PTTG1IP2: variants seen among roughly 807,000 people sequenced by gnomAD.
PTTG1IP2 encodes the protein PTTG1IP family member 2.
intron 6 of PTTG1IP2, among the ~76,000 whole-genome samples, chr7:90,501,947 A>G (rs1038435120): frequency 5.3e-5 from 8 of 152,172 alleles, no homozygotes; most frequent in African/African-American, 1.9e-4. Context: ...ATTCTCTCAC[A>G]CCATGATGTT....
At chr7:90,497,888 C>T (rs914034345) in intron 6 of PTTG1IP2, among the ~76,000 whole-genome samples, 1 of 151,916 alleles carries the variant, frequency 6.6e-6, no homozygotes, top group African/African-American at 2.4e-5. Context: ...GATGTTATGT[C>T]CATTGTTGAG....
chr7:90,498,978 A>G (rs901825855), intron 6 of PTTG1IP2, among the ~76,000 whole-genome samples: 8 of 152,106 alleles, frequency 5.3e-5, no homozygotes, highest in Admixed American at 2.6e-4. Context: ...AAGCCTCTCA[A>G]GTATCCAAGC....
At chr7:90,493,300 A>C (rs1797960002) in intron 5 of PTTG1IP2, among the ~76,000 whole-genome samples, 1 of 152,150 alleles carries the variant, frequency 6.6e-6, no homozygotes, top group Non-Finnish European at 1.5e-5. Flanking sequence ...TGGTAAGCAC[A>C]TACACACTCT....
intron 6 of PTTG1IP2, among the ~76,000 whole-genome samples, chr7:90,510,947 A>T (rs1324105176): frequency 2.0e-5 from 3 of 152,226 alleles, no homozygotes; most frequent in Non-Finnish European, 4.4e-5. Flanking sequence ...TTAACTCTGG[A>T]ATACCGTAAT....
At chr7:90,505,750 C>T (rs1478916296) in intron 6 of PTTG1IP2, among the ~76,000 whole-genome samples, 2 of 151,804 alleles carry the variant, frequency 1.3e-5, no homozygotes, top group Non-Finnish European at 2.9e-5. Context: ...TTTGGGAGGC[C>T]GAGGCGGGTG....
At chr7:90,506,735 C>G (rs1313612060) in intron 6 of PTTG1IP2, among the ~76,000 whole-genome samples, 1 of 152,166 alleles carries the variant, frequency 6.6e-6, no homozygotes, top group African/African-American at 2.4e-5. Flanking sequence ...CCACTGCACT[C>G]TAGCCTGGGT....
intron 4 of PTTG1IP2, among the ~76,000 whole-genome samples, chr7:90,490,339 C>T (rs943075391): frequency 9.4e-5 from 14 of 149,716 alleles, no homozygotes; most frequent in Middle Eastern, 3.2e-3. Context: ...ATAAGATAGA[C>T]GTGACCCAAA....
At chr7:90,485,434 T>C (rs912469335) in intron 2 of PTTG1IP2, among the ~76,000 whole-genome samples, 1 of 152,068 alleles carries the variant, frequency 6.6e-6, no homozygotes, top group Non-Finnish European at 1.5e-5. Flanking sequence ...CTCCACACAC[T>C]CCTTCAAGTT....
At chr7:90,488,279 T>TTAAA (rs1259512687) in intron 3 of PTTG1IP2, among the ~76,000 whole-genome samples, 1 of 151,796 alleles carries the variant, frequency 6.6e-6, no homozygotes, top group African/African-American at 2.4e-5. Flanking sequence ...TCATGCATGT[T>TTAAA]TTTGCCTTAT....
intron 1 of PTTG1IP2, among the ~76,000 whole-genome samples, chr7:90,478,266 G>A (rs980340346): frequency 6.6e-6 from 1 of 152,166 alleles, no homozygotes; most frequent in Non-Finnish European, 1.5e-5. Context: ...TCTGAGAACA[G>A]TGGCCAAGTC....
intron 6 of PTTG1IP2, among the ~76,000 whole-genome samples, chr7:90,509,152 A>G (rs1316070699): frequency 6.7e-6 from 1 of 149,270 alleles, no homozygotes; most frequent in Non-Finnish European, 1.5e-5. Flanking sequence ...CAGCATAATC[A>G]GATTTGTAAG....
intron 6 of PTTG1IP2, among the ~76,000 whole-genome samples, chr7:90,505,826 T>C (rs1364387051): frequency 6.6e-6 from 1 of 151,128 alleles, no homozygotes; most frequent in Non-Finnish European, 1.5e-5. Flanking sequence ...CTACTAAAAA[T>C]ACAAAAAATT....
intron 5 of PTTG1IP2, among the ~76,000 whole-genome samples, chr7:90,493,663 A>G (rs1187922325): frequency 1.3e-5 from 2 of 152,224 alleles, no homozygotes; most frequent in East Asian, 1.9e-4. Flanking sequence ...TTTTTCACCC[A>G]TGAGAGAGCC....
chr7:90,471,283 CTA>C (rs1303085853), intron 1 of PTTG1IP2, among the ~76,000 whole-genome samples: 2 of 152,214 alleles, frequency 1.3e-5, no homozygotes, highest in Non-Finnish European at 2.9e-5. Context: ...AGATCCTCAT[CTA>C]TGTCCCAGAT....
chr7:90,508,593 C>T (rs752091475), intron 6 of PTTG1IP2, among the ~76,000 whole-genome samples: 1 of 152,190 alleles, frequency 6.6e-6, no homozygotes, highest in Admixed American at 6.5e-5. Context: ...GTATAAGGAA[C>T]AGGTAAGGTG....
intron 6 of PTTG1IP2, among the ~76,000 whole-genome samples, chr7:90,512,841 ACTT>A (rs1213737006): frequency 6.6e-6 from 1 of 152,170 alleles, no homozygotes; most frequent in Non-Finnish European, 1.5e-5. Context: ...CTTTGACAGG[ACTT>A]CTTTCTTAGC....
chr7:90,486,945 G>C (rs1298270189), intron 2 of PTTG1IP2, among the ~76,000 whole-genome samples: 1 of 152,170 alleles, frequency 6.6e-6, no homozygotes, highest in Non-Finnish European at 1.5e-5. Flanking sequence ...CTCTTGGCCT[G>C]AATCATGGGC....
chr7:90,489,946 C>T (rs1051445241), intron 4 of PTTG1IP2, among the ~76,000 whole-genome samples: 1 of 151,920 alleles, frequency 6.6e-6, no homozygotes, highest in Non-Finnish European at 1.5e-5. Context: ...TTCATTATTT[C>T]TCATTAACAA....
chr7:90,500,480 T>G (rs1798049625), intron 6 of PTTG1IP2, among the ~76,000 whole-genome samples: 1 of 152,082 alleles, frequency 6.6e-6, no homozygotes, highest in Non-Finnish European at 1.5e-5. Context: ...AGAACAGCTG[T>G]CTTAAGTTGG....
Sources: allele counts gnomAD v4.1 joint callset (sites outside exome capture counted in the v4.1 genomes callset), GRCh38; gene constraint gnomAD v4.1.1; transcripts MANE v1.5; gene names NCBI Gene and HGNC (gene_info 2026-07-23, HGNC 2026-07-21).